The following RPS6KA3 variants were observed in gnomAD, a reference collection of about 807,000 sequenced individuals.
The protein encoded by RPS6KA3 is ribosomal protein S6 kinase alpha-3.
A neutral mutation model predicts 67.2 loss-of-function variants in RPS6KA3; 4 were observed. The ratio of observed to expected loss-of-function variants is 0.06; its 90% CI spans 0.03 to 0.14. RPS6KA3 has a LOEUF of 0.14. RPS6KA3 is among the 10% of genes least tolerant of loss of function. RPS6KA3 has a pLI of 1.00. For synonymous variants in RPS6KA3, 182 were observed against 183.7 expected (o/e 0.99, Z 0.07); for missense variants, 204 against 559.0 (o/e 0.36, Z 6.40).
chrX:20,165,883 G>A (rs1174772758), intron 17 of RPS6KA3, among the ~76,000 whole-genome samples: 3 of 111,041 alleles, frequency 2.7e-5, no homozygotes, highest in African/African-American at 9.8e-5. Context: ...TATGTTTCAA[G>A]ACCCCCAGTG....
intron 2 of RPS6KA3, among the ~76,000 whole-genome samples, chrX:20,229,005 T>C (rs1458996727): frequency 8.9e-6 from 1 of 111,884 alleles, no homozygotes; most frequent in Non-Finnish European, 1.9e-5. Context: ...TGGCACCTAA[T>C]AGACATTCAT....
chrX:20,186,499 C>T (rs1430311952), intron 9 of RPS6KA3, 133 bp from the exon 10 acceptor site: 1 of 455,219 alleles, frequency 2.2e-6, no homozygotes, highest in African/African-American at 2.5e-5. Context: ...CAAGTGTTTT[C>T]TATTTCTACC....
chrX:20,243,174 G>A (rs891242630), intron 1 of RPS6KA3, among the ~76,000 whole-genome samples: 6 of 111,548 alleles, frequency 5.4e-5, no homozygotes, highest in Admixed American at 4.7e-4. Flanking sequence ...TCAATATTGA[G>A]TACACACAGT....
chrX:20,253,670 AT>A (rs2078361728), intron 1 of RPS6KA3, among the ~76,000 whole-genome samples: 1 of 111,675 alleles, frequency 9.0e-6, no homozygotes, highest in East Asian at 2.8e-4. Context: ...TTATTTTCTA[AT>A]TTTCCACATT....
Position 20,162,961 on chromosome X carries a change from C to A in RPS6KA3, c.1841+3G>T. ...GTGCTTAGAACATATGGTATACACTCACCCGGTAAGCATTGTATAGAGTAG... is the reference window on the plus strand; with the variant it reads ...GTGCTTAGAACATATGGTATACACTAACCCGGTAAGCATTGTATAGAGTAG... On this transcript the variant is annotated splice_donor_region_variant and intron_variant, in intron 19 of 21. Transcript: ENST00000379565. 9.1e-7 allele frequency: 1 copy of A among 1,104,487 alleles called. No homozygotes were observed. The highest frequency in any genetic ancestry group is 1.3e-6 in the Non-Finnish European group (1 of 797,486). 91.0% of individuals were successfully genotyped at this position (1,104,487 alleles called of 1,213,427 possible). A position where few individuals can be genotyped will look rare whatever the true frequency, so the allele number is the denominator to read the frequency against.
chrX:20,161,379 C>CA (rs1462567096), intron 20 of RPS6KA3, among the ~76,000 whole-genome samples: 2 of 111,727 alleles, frequency 1.8e-5, no homozygotes, highest in Admixed American at 1.9e-4. Flanking sequence ...ACACAATAGA[C>CA]AGACAAATCA....
intron 15 of RPS6KA3, 25 bp downstream of exon 15, chrX:20,172,721 T>C (rs775823650): frequency 2.5e-5 from 29 of 1,147,271 alleles, no homozygotes; most frequent in Non-Finnish European, 3.4e-5. Context: ...CTGTATGAAT[T>C]GCATTTTAAA....
chrX:20,238,936 T>G (rs910750759), intron 1 of RPS6KA3, among the ~76,000 whole-genome samples: 3 of 111,798 alleles, frequency 2.7e-5, no homozygotes, highest in African/African-American at 9.7e-5. Flanking sequence ...TATTAGAGAT[T>G]AGGTTACATG....
chrX:20,258,726 G>A (rs928355638), intron 1 of RPS6KA3, among the ~76,000 whole-genome samples: 2 of 112,042 alleles, frequency 1.8e-5, no homozygotes, highest in African/African-American at 6.5e-5. Flanking sequence ...TAGTTAAGAT[G>A]GGAAAATTCG....
chrX:20,238,536 C>A (rs1421809229), intron 1 of RPS6KA3, among the ~76,000 whole-genome samples: 1 of 111,023 alleles, frequency 9.0e-6, no homozygotes, highest in Non-Finnish European at 1.9e-5. Flanking sequence ...TTCAGCTTCA[C>A]GTCATCTCAA....
intron 4 of RPS6KA3, among the ~76,000 whole-genome samples, chrX:20,195,879 T>C (rs770851950): frequency 8.9e-5 from 10 of 112,016 alleles, no homozygotes; most frequent in Admixed American, 3.8e-4. Flanking sequence ...ATATGACCAT[T>C]TGAGATAAGG....
chrX:20,210,780 GC>G (rs2068692400), intron 2 of RPS6KA3, among the ~76,000 whole-genome samples: 1 of 111,071 alleles, frequency 9.0e-6, no homozygotes, highest in Non-Finnish European at 1.9e-5. Context: ...AATTTCCCAT[GC>G]ATTATCTCCT....
intron 1 of RPS6KA3, among the ~76,000 whole-genome samples, chrX:20,253,765 T>C (rs1326583679): frequency 1.8e-5 from 2 of 111,878 alleles, no homozygotes; most frequent in Non-Finnish European, 3.8e-5. Flanking sequence ...TCTGCTTATA[T>C]TATTCTTTAC....
intron 7 of RPS6KA3, among the ~76,000 whole-genome samples, chrX:20,190,296 C>G (rs148360985): frequency 9.0e-6 from 1 of 111,692 alleles, no homozygotes; most frequent in Non-Finnish European, 1.9e-5. Flanking sequence ...ATCTGAAAAA[C>G]CCTTAACAGT....
At chrX:20,231,960 A>C (rs961478388) in intron 2 of RPS6KA3, among the ~76,000 whole-genome samples, 1 of 111,795 alleles carries the variant, frequency 8.9e-6, no homozygotes, top group African/African-American at 3.3e-5. Context: ...GCAAAGCAGG[A>C]AACTGATACA....
chrX:20,196,776 T>C lies in RPS6KA3; in HGVS notation c.326-1631A>G, dbSNP rs1018694499. 3.6e-5 allele frequency among the ~76,000 whole-genome samples: 4 copies of C among 111,929 alleles called. No individual in the cohort carries two copies. In the Admixed American group the frequency reaches 3.8e-4, roughly 11 times the overall value. On this transcript the variant is annotated intron_variant, in intron 4 of 21. Transcript: ENST00000379565. ...TGTCCAGTTAGTATATCAAATTCAA[T>C]AGCAATCTCTGATTTCATTACCTTG...
intron 1 of RPS6KA3, among the ~76,000 whole-genome samples, chrX:20,235,115 G>A (rs2069374966): frequency 9.0e-6 from 1 of 111,306 alleles, no homozygotes; most frequent in Non-Finnish European, 1.9e-5. Flanking sequence ...TCTCATTTAA[G>A]CCTCACCAAA....
intron 1 of RPS6KA3, among the ~76,000 whole-genome samples, chrX:20,236,424 T>A (rs2069413112): frequency 9.0e-6 from 1 of 111,461 alleles, no homozygotes; most frequent in Non-Finnish European, 1.9e-5. Flanking sequence ...ACCTGGGAAA[T>A]AAAAGGCAGC....
At chrX:20,165,928 CTA>C (rs2067425634) in intron 17 of RPS6KA3, among the ~76,000 whole-genome samples, 1 of 111,380 alleles carries the variant, frequency 9.0e-6, no homozygotes, top group African/African-American at 3.3e-5. Context: ...CGAAGTCTCT[CTA>C]TATTTTTTCC....
Sources: allele counts gnomAD v4.1 joint callset (sites outside exome capture counted in the v4.1 genomes callset), GRCh38; gene constraint gnomAD v4.1.1; transcripts MANE v1.5; gene names NCBI Gene and HGNC (gene_info 2026-07-23, HGNC 2026-07-21).